The following PTPRD variants were observed in gnomAD, a reference collection of about 807,000 sequenced individuals.
The protein encoded by PTPRD is receptor-type tyrosine-protein phosphatase delta.
In PTPRD, 34 loss-of-function variants were observed where a neutral mutation model predicts 214.5. The observed-to-expected ratio is 0.16, with a 90% CI of 0.12 to 0.21. The LOEUF (loss-of-function observed/expected upper bound fraction) is 0.21, where lower values mean the gene tolerates loss of function less well. Among genes scored for constraint, PTPRD ranks in the 10% least tolerant of loss-of-function variants. The pLI is 1.00. For synonymous variants in PTPRD, 1,128 were observed against 845.7 expected, an observed-to-expected ratio of 1.33 and a Z score of -5.79; for missense variants, 2,545 against 2,398.7, an observed-to-expected ratio of 1.06 and a Z score of -1.27.
chr9:8,345,923 T>C (rs10511491), intron 39 of PTPRD, among the ~76,000 whole-genome samples: 74,316 of 151,940 alleles, frequency 0.49, 21,248 homozygotes, highest in Non-Finnish European at 0.65. Flanking sequence ...AAAATGTAGA[T>C]AATGCTCCAA....
At chr9:10,193,890 A>C (rs1294873841) in intron 3 of PTPRD, among the ~76,000 whole-genome samples, 2 of 152,126 alleles carry the variant, frequency 1.3e-5, no homozygotes, top group African/African-American at 4.8e-5. Flanking sequence ...GAAACATAGA[A>C]TCACATGCTT....
chr9:9,125,938 G>C (rs552719887), intron 10 of PTPRD, among the ~76,000 whole-genome samples: 1 of 152,254 alleles, frequency 6.6e-6, no homozygotes, highest in African/African-American at 2.4e-5. Context: ...GAACAGCAAG[G>C]GGTGAATGGT....
intron 3 of PTPRD, among the ~76,000 whole-genome samples, chr9:10,175,746 A>G (rs540593080): frequency 1.3e-5 from 2 of 152,036 alleles, no homozygotes; most frequent in African/African-American, 2.4e-5. Context: ...AATTAGTCAA[A>G]GTATGTGGAA....
chr9:10,186,905 A>G (rs893893898), intron 3 of PTPRD, among the ~76,000 whole-genome samples: 4 of 152,308 alleles, frequency 2.6e-5, no homozygotes, highest in African/African-American at 9.6e-5. Flanking sequence ...TGTTGTTGAT[A>G]TATTTAGAAA....
intron 3 of PTPRD, among the ~76,000 whole-genome samples, chr9:10,079,822 T>C (rs982448249): frequency 1.3e-5 from 2 of 152,118 alleles, no homozygotes; most frequent in African/African-American, 4.8e-5. Flanking sequence ...ATAGGTCTAT[T>C]GTCACCGACC....
intron 36 of PTPRD, among the ~76,000 whole-genome samples, chr9:8,404,116 T>C (rs983535288): frequency 2.6e-5 from 4 of 152,196 alleles, no homozygotes; most frequent in African/African-American, 9.7e-5. Context: ...TATGTTTGAA[T>C]CTTAATTACT....
intron 11 of PTPRD, among the ~76,000 whole-genome samples, chr9:9,005,040 G>A (rs2099453925): frequency 6.6e-6 from 1 of 152,022 alleles, no homozygotes; most frequent in Non-Finnish European, 1.5e-5. Flanking sequence ...CATTAGCCAT[G>A]CTCTCTTTAT....
chr9:9,920,434 A>G (rs371618956), intron 5 of PTPRD, among the ~76,000 whole-genome samples: 1 of 152,146 alleles, frequency 6.6e-6, no homozygotes, highest in African/African-American at 2.4e-5. Context: ...GTTGAAAAAC[A>G]TAATAAGGTC....
At chr9:9,430,286 T>G (rs888317530) in intron 8 of PTPRD, among the ~76,000 whole-genome samples, 38 of 151,874 alleles carry the variant, frequency 2.5e-4, no homozygotes, top group Non-Finnish European at 4.7e-4. Flanking sequence ...AAATCATGAG[T>G]GAACTCCCAT....
intron 10 of PTPRD, among the ~76,000 whole-genome samples, chr9:9,172,993 C>G (rs2099922409): frequency 1.3e-5 from 2 of 152,108 alleles, no homozygotes; most frequent in African/African-American, 4.8e-5. Context: ...AGAATGAAAG[C>G]CAAAGTTCTT....
intron 2 of PTPRD, among the ~76,000 whole-genome samples, chr9:10,583,614 G>T (rs2072848009): frequency 6.6e-6 from 1 of 152,024 alleles, no homozygotes; most frequent in South Asian, 2.1e-4. Context: ...GAGTAGCTGG[G>T]ACTACAGGCA....
At chr9:9,184,300 A>G (rs2099930048) in intron 9 of PTPRD, among the ~76,000 whole-genome samples, 1 of 152,050 alleles carries the variant, frequency 6.6e-6, no homozygotes, top group Admixed American at 6.6e-5. Context: ...CTTCTGTTAC[A>G]TAGCCAGACT....
chr9:8,666,161 T>C, intron 12 of PTPRD, among the ~76,000 whole-genome samples: 1 of 151,922 alleles, frequency 6.6e-6, no homozygotes, highest in Admixed American at 6.6e-5. Flanking sequence ...GGTTGAAAAA[T>C]CCAACAATTT....
chr9:10,175,040 T>A (rs955840059), intron 3 of PTPRD, among the ~76,000 whole-genome samples: 9 of 152,124 alleles, frequency 5.9e-5, no homozygotes, highest in African/African-American at 1.9e-4. Context: ...ACTCATTTGC[T>A]AAGTTAGTGA....
At chr9:8,599,692 C>T (rs1179842848) in intron 14 of PTPRD, among the ~76,000 whole-genome samples, 1 of 143,616 alleles carries the variant, frequency 7.0e-6, no homozygotes, top group Non-Finnish European at 1.5e-5. Flanking sequence ...GGCGCGATCA[C>T]TGCAACCTCC....
In PTPRD at chr9:9,890,860, C is replaced by A. The variant is rs185409414; in HGVS notation, c.-368+47647G>T. On this transcript the variant is annotated intron_variant, in intron 5 of 45. Transcript: ENST00000381196. The stretch of plus-strand genomic sequence containing the variant: ...CTATATCCTTCAGACACTCCTGAAT[C>A]TCTTCTCTCTTATCCTATTTAATTC... 4.6e-5 allele frequency among the ~76,000 whole-genome samples: 7 copies of A among 152,156 alleles called. No homozygotes were observed. In the East Asian group the frequency reaches 1.4e-3, roughly 29 times the overall value.
At chr9:10,313,550 T>G (rs1280031579) in intron 3 of PTPRD, among the ~76,000 whole-genome samples, 1 of 151,918 alleles carries the variant, frequency 6.6e-6, no homozygotes, top group Admixed American at 6.6e-5. Flanking sequence ...ATATAGCTCT[T>G]AATCAACTTG....
intron 4 of PTPRD, among the ~76,000 whole-genome samples, chr9:9,949,362 CTTAA>C (rs2093186234): frequency 6.7e-6 from 1 of 148,818 alleles, no homozygotes; most frequent in African/African-American, 2.4e-5. Context: ...TTAACACCTT[CTTAA>C]TTATTTGATG....
At chr9:8,401,801 A>G (rs562024451) in intron 36 of PTPRD, among the ~76,000 whole-genome samples, 310 of 152,294 alleles carry the variant, frequency 2.0e-3, no homozygotes, top group African/African-American at 7.1e-3. Flanking sequence ...AAAATAATGT[A>G]AGGAGTAACT....
Sources: allele counts gnomAD v4.1 joint callset (sites outside exome capture counted in the v4.1 genomes callset), GRCh38; gene constraint gnomAD v4.1.1; transcripts MANE v1.5; gene names NCBI Gene and HGNC (gene_info 2026-07-23, HGNC 2026-07-21).